MAF: variants seen among roughly 807,000 people sequenced by gnomAD.
MAF encodes MAF bZIP transcription factor, also known as transcription factor Maf.
In MAF, 10 loss-of-function variants were observed where a neutral mutation model predicts 22.0. That is an observed-to-expected ratio of 0.45 (90% CI 0.28 to 0.77). The LOEUF is 0.77. MAF is among the 30% of genes least tolerant of loss of function. The probability of loss-of-function intolerance (pLI) is 0.12; values close to 1 mark genes in which losing one functional copy is unlikely to be tolerated. For synonymous variants in MAF, 337 were observed against 255.8 expected (o/e 1.32, Z -3.03); for missense variants, 544 against 548.4 (o/e 0.99, Z 0.08).
At chr16:79,596,655 T>C in intron 1 of MAF, 1 of 1,037,660 alleles carries the variant, frequency 9.6e-7, no homozygotes, top group Non-Finnish European at 1.2e-6. Flanking sequence ...TTTTTTTATA[T>C]TTATTGTGGT....
intron 1 of MAF, among the ~76,000 whole-genome samples, chr16:79,586,299 G>A (rs1912835958): frequency 6.6e-6 from 1 of 152,182 alleles, no homozygotes; most frequent in Non-Finnish European, 1.5e-5. Context: ...GGAAGGATTT[G>A]AATCATTTCT....
chr16:79,585,589 G>T (rs1489135320), downstream of MAF, among the ~76,000 whole-genome samples: 1 of 152,158 alleles, frequency 6.6e-6, no homozygotes, highest in Non-Finnish European at 1.5e-5. Flanking sequence ...ACTCAAACTG[G>T]ATTAGTAACT....
At chr16:79,452,507 T>C in the MAF span, among the ~76,000 whole-genome samples, 1 of 152,198 alleles carries the variant, frequency 6.6e-6, no homozygotes, top group Non-Finnish European at 1.5e-5. Context: ...AGAAGGATTT[T>C]TTAAAAAAGA....
At chr16:79,380,957 T>C in the MAF span, among the ~76,000 whole-genome samples, 236 of 152,328 alleles carry the variant, frequency 1.5e-3, 4 homozygotes, top group African/African-American at 5.4e-3. Context: ...ATAGGAAGTA[T>C]CTGGGAATGA....
chr16:79,529,302 C>G, the MAF span, among the ~76,000 whole-genome samples: 1 of 152,136 alleles, frequency 6.6e-6, no homozygotes, highest in Non-Finnish European at 1.5e-5. Context: ...ACCCCAGTCT[C>G]TACCCCTCTC....
the MAF span, among the ~76,000 whole-genome samples, chr16:79,375,510 GATGAT>G: frequency 6.6e-5 from 10 of 152,146 alleles, no homozygotes; most frequent in African/African-American, 2.4e-4. Context: ...TGATGATGAT[GATGAT>G]ATATTAATGA....
chr16:79,214,326 A>G, the MAF span, among the ~76,000 whole-genome samples: 13 of 152,188 alleles, frequency 8.5e-5, no homozygotes, highest in Admixed American at 8.5e-4. Context: ...GACTTAATAA[A>G]TAACCACTGA....
the MAF span, among the ~76,000 whole-genome samples, chr16:79,362,537 G>A: frequency 6.6e-6 from 1 of 152,214 alleles, no homozygotes; most frequent in Non-Finnish European, 1.5e-5. Context: ...ATTAGAAATA[G>A]TCCTCTCATG....
chr16:79,233,109 G>T, the MAF span, among the ~76,000 whole-genome samples: 8 of 151,708 alleles, frequency 5.3e-5, no homozygotes, highest in Non-Finnish European at 1.0e-4. Context: ...CAAAGTGCTG[G>T]GATTATAGGC....
chr16:79,262,957 T>C, the MAF span, among the ~76,000 whole-genome samples: 1 of 152,200 alleles, frequency 6.6e-6, no homozygotes, highest in Non-Finnish European at 1.5e-5. Context: ...GACAATCAGA[T>C]ACACATTTAT....
the MAF span, among the ~76,000 whole-genome samples, chr16:79,501,329 C>T: frequency 1.3e-5 from 2 of 152,144 alleles, no homozygotes; most frequent in East Asian, 3.9e-4. Context: ...TTAGGATCCT[C>T]CCTAATCCAG....
At chr16:79,589,076 A>C (rs1276460677), downstream of MAF, among the ~76,000 whole-genome samples, 1 of 152,152 alleles carries the variant, frequency 6.6e-6, no homozygotes, top group Non-Finnish European at 1.5e-5. Flanking sequence ...CTTCCCTAAG[A>C]GAGAGGGAGA....
At chr16:79,284,533 A>G in the MAF span, among the ~76,000 whole-genome samples, 7 of 152,232 alleles carry the variant, frequency 4.6e-5, no homozygotes, top group Admixed American at 3.3e-4. Context: ...GAGCAGAGAT[A>G]TTTCTAGTTC....
At chr16:79,457,804 T>C in the MAF span, among the ~76,000 whole-genome samples, 1 of 152,188 alleles carries the variant, frequency 6.6e-6, no homozygotes, top group Non-Finnish European at 1.5e-5. Context: ...TCATGGTATC[T>C]TTCATCAGGA....
the MAF span, among the ~76,000 whole-genome samples, chr16:79,287,288 C>A: frequency 2.0e-5 from 3 of 152,220 alleles, no homozygotes; most frequent in Non-Finnish European, 4.4e-5. Flanking sequence ...CTGCCACGCT[C>A]CCAGCCCAGC....
At chr16:79,454,286 G>A in the MAF span, among the ~76,000 whole-genome samples, 3 of 152,166 alleles carry the variant, frequency 2.0e-5, no homozygotes, top group Admixed American at 1.3e-4. Flanking sequence ...CAGAGAAGAT[G>A]TAGAAATAAA....
At chr16:79,285,708 G>C in the MAF span, among the ~76,000 whole-genome samples, 1 of 152,180 alleles carries the variant, frequency 6.6e-6, no homozygotes, top group Admixed American at 6.5e-5. Context: ...GCTGGATTCC[G>C]CAAGGCCAGA....
chr16:79,598,883 C>G lies in MAF; in HGVS notation c.1020G>C (p.Glu340Asp), dbSNP rs200671196. 6.2e-6 allele frequency: 10 copies of G among 1,613,878 alleles called. No individual in the cohort carries two copies. The highest frequency in any genetic ancestry group is 8.5e-6 in the Non-Finnish European group (10 of 1,179,988). Residue 340 changes from glutamate to aspartate, a missense_variant, in exon 1 of 2, where the codon GAG becomes GAC. Around this residue, in one of 5 missense-constraint regions of MAF, gnomAD observed 129 missense variants for 113.6 expected, o/e 1.14. Coordinates refer to ENST00000326043, the MANE Select transcript of MAF (RefSeq NM_005360.5). ...LKQEISRLVR[E>D]RDAYKEKYEK... ...CGTATTTCTCCTTGTACGCGTCCCTCTCGCGCACCAGCCTGGAGATCTCCT... is the reference window on the plus strand; with the variant it reads ...CGTATTTCTCCTTGTACGCGTCCCTGTCGCGCACCAGCCTGGAGATCTCCT...
chr16:79,367,133 AC>A, the MAF span, among the ~76,000 whole-genome samples: 1 of 152,150 alleles, frequency 6.6e-6, no homozygotes, highest in Admixed American at 6.5e-5. Flanking sequence ...AGCCATATAC[AC>A]ACGGAAATCT....
Sources: allele counts gnomAD v4.1 joint callset (sites outside exome capture counted in the v4.1 genomes callset), GRCh38; gene constraint gnomAD v4.1.1; regional missense constraint gnomAD v4.1.1; transcripts MANE v1.5; gene names NCBI Gene and HGNC (gene_info 2026-07-23, HGNC 2026-07-21).